The following PYGO1 variants were observed in gnomAD, a reference collection of about 807,000 sequenced individuals.
PYGO1 encodes the protein pygopus homolog 1.
In PYGO1, 6 loss-of-function variants were observed where a neutral mutation model predicts 29.5. The ratio of observed to expected loss-of-function variants is 0.20; its 90% CI spans 0.11 to 0.40. The LOEUF (loss-of-function observed/expected upper bound fraction) is 0.40. Ranked by LOEUF, PYGO1 falls within the 10% of genes least tolerant of loss-of-function variation. The pLI is 1.00. For missense variants in PYGO1, 515 were observed against 514.9 expected, an observed-to-expected ratio of 1.00 and a Z score of 0.00; for synonymous variants, 186 against 180.5, an observed-to-expected ratio of 1.03 and a Z score of -0.24.
intron 1 of PYGO1, among the ~76,000 whole-genome samples, chr15:55,557,800 T>C: frequency 6.6e-6 from 1 of 152,204 alleles, no homozygotes; most frequent in Non-Finnish European, 1.5e-5. Flanking sequence ...CAGCCCTTCA[T>C]GCTAAAAACT....
At position 55,539,951 on chromosome 15, in the gene PYGO1, T is replaced by C. The variant is rs2058822297; in HGVS notation, c.*6072A>G. 1 of 152,120 alleles carries C rather than the reference T, an allele frequency of 6.6e-6. No homozygotes were observed. The highest frequency in any genetic ancestry group is 1.5e-5 in the Non-Finnish European group (1 of 67,924). 9.4% of individuals were successfully genotyped at this position (152,120 alleles called of 1,614,324 possible). A position where few individuals can be genotyped will look rare whatever the true frequency, so the allele number is the denominator to read the frequency against. On this transcript the variant is annotated 3_prime_UTR_variant, in exon 3 of 3. Transcript: ENST00000563719. Reference sequence around the variant, plus strand: ...TTAAAAAGATATGCAGTTTAAGCACTCACAAGCCTTCATTTTTTTCTTTCA... The same window carrying C: ...TTAAAAAGATATGCAGTTTAAGCACCCACAAGCCTTCATTTTTTTCTTTCA...
At position 55,574,963 on chromosome 15, in the gene PYGO1, A is replaced by T. The variant is rs148519408; in HGVS notation, c.49+12872T>A. ...AGAGGATTACCATTTAATAACATTA[A>T]TTCAGTGAATGTTTACTGTGTCAGA... On this transcript the variant is annotated intron_variant, in intron 1 of 2. Transcript: ENST00000563719. 2.0e-5 allele frequency among the ~76,000 whole-genome samples: 3 copies of T among 152,316 alleles called. No homozygotes were observed. In the East Asian group the frequency reaches 5.8e-4, roughly 29 times the overall value.
At chr15:55,554,077 G>C (rs1243954291) in intron 1 of PYGO1, among the ~76,000 whole-genome samples, 4 of 152,128 alleles carry the variant, frequency 2.6e-5, no homozygotes, top group African/African-American at 7.2e-5. Flanking sequence ...AAAAAGATGA[G>C]AAAGAATCAA....
rs558802258 is a variant in PYGO1, at chr15:55,565,583, C to T, written c.50-16588G>A. On this transcript the variant is annotated intron_variant, in intron 1 of 2. Transcript: ENST00000563719. Reference sequence around the variant, plus strand: ...AAAAAAAAATTAGCCAGGCTGGTAGCGGGCACCTGTAGTCCCAGCTACTCA... The same window carrying T: ...AAAAAAAAATTAGCCAGGCTGGTAGTGGGCACCTGTAGTCCCAGCTACTCA... 5.9e-5 allele frequency among the ~76,000 whole-genome samples: 9 copies of T among 151,748 alleles called. No individual in the cohort carries two copies. The East Asian group carries it at 1.6e-3, about 26-fold the overall frequency.
intron 1 of PYGO1, among the ~76,000 whole-genome samples, chr15:55,584,271 C>T (rs1041321222): frequency 1.2e-4 from 19 of 152,194 alleles, no homozygotes; most frequent in African/African-American, 4.6e-4. Flanking sequence ...GCACATGCCA[C>T]CACGCCCAGC....
At chr15:55,588,957 A>T, upstream of PYGO1, 1 of 985,196 alleles carries the variant, frequency 1.0e-6, no homozygotes, top group Non-Finnish European at 1.6e-6. Flanking sequence ...TCTTCAAGAA[A>T]GAGCGACGTA....
At chr15:55,583,880 C>T (rs1307464007) in intron 1 of PYGO1, among the ~76,000 whole-genome samples, 1 of 152,138 alleles carries the variant, frequency 6.6e-6, no homozygotes, top group African/African-American at 2.4e-5. Context: ...CAAGAGACCT[C>T]CTAGACCCTT....
intron 1 of PYGO1, among the ~76,000 whole-genome samples, chr15:55,556,542 G>T (rs187316334): frequency 6.6e-6 from 1 of 152,208 alleles, no homozygotes; most frequent in East Asian, 1.9e-4. Flanking sequence ...ACATCAAAAA[G>T]CTCGAAAGAT....
At chr15:55,552,237 C>T (rs1258586982) in intron 1 of PYGO1, among the ~76,000 whole-genome samples, 1 of 151,692 alleles carries the variant, frequency 6.6e-6, no homozygotes, top group Admixed American at 6.6e-5. Context: ...CACCTGTAAT[C>T]CCAGCTACTT....
chr15:55,540,162 T>C lies in PYGO1; in HGVS notation c.*5861A>G, dbSNP rs1363807110. 6.6e-6 allele frequency: 1 copy of C among 152,118 alleles called. No homozygotes were observed. Among genetic ancestry groups the C allele is most frequent in the Non-Finnish European group, 1.5e-5 (1 of 67,950 alleles). The allele number at this position is 152,118 out of a possible 1,614,324, so 9.4% of individuals were successfully genotyped here. On this transcript the variant is annotated 3_prime_UTR_variant, in exon 3 of 3. Coordinates refer to ENST00000563719, the MANE Select transcript of PYGO1 (RefSeq NM_001367806.1). ...ACATTTTTCTTTAAAATCGTGATTA[T>C]AACCTTTATTACCAAATCCTTTCAT...
chr15:55,540,480 T>C lies in PYGO1; in HGVS notation c.*5543A>G, dbSNP rs926166189. 3.3e-5 allele frequency: 5 copies of C among 152,152 alleles called. No individual in the cohort carries two copies. The highest frequency in any genetic ancestry group is 4.2e-4 in the South Asian group (2 of 4,818). 9.4% of individuals were successfully genotyped at this position (152,152 alleles called of 1,614,324 possible). ...TATACCTGTAAGTGGAAAATAAAAA[T>C]TTTAAGATTTATTGTATTACAAGTG... On this transcript the variant is annotated 3_prime_UTR_variant, in exon 3 of 3. Transcript: ENST00000563719.
intron 1 of PYGO1, among the ~76,000 whole-genome samples, chr15:55,564,826 A>G (rs2058948175): frequency 6.6e-6 from 1 of 152,224 alleles, no homozygotes; most frequent in African/African-American, 2.4e-5. Context: ...CAGGATATCA[A>G]GGTATCAGTA....
At chr15:55,549,540 G>A (rs1418183168) in intron 1 of PYGO1, among the ~76,000 whole-genome samples, 2 of 152,122 alleles carry the variant, frequency 1.3e-5, no homozygotes, top group African/African-American at 2.4e-5. Flanking sequence ...CAATGTTTAA[G>A]TTGTTTCCAA....
At chr15:55,582,143 G>C (rs2059027543) in intron 1 of PYGO1, among the ~76,000 whole-genome samples, 1 of 149,054 alleles carries the variant, frequency 6.7e-6, no homozygotes, top group South Asian at 2.1e-4. Context: ...GGAGGCAGAG[G>C]TTGCAGTGAA....
At position 55,540,549 on chromosome 15, in the gene PYGO1, A is replaced by C. The variant is rs2058824625; in HGVS notation, c.*5474T>G. The C allele has an allele frequency of 6.6e-6, 1 of 152,164 alleles. No homozygotes were observed. Among genetic ancestry groups the C allele is most frequent in the Non-Finnish European group, 1.5e-5 (1 of 67,990 alleles). The allele number at this position is 152,164 out of a possible 1,614,324, so 9.4% of individuals were successfully genotyped here. On this transcript the variant is annotated 3_prime_UTR_variant, in exon 3 of 3. Transcript: ENST00000563719. ...AAAATTTACTCCTCTCCCATTTGAA[A>C]GACATCAGGCCATCTATTAATCCAT...
chr15:55,553,052 T>A (rs1433339292), intron 1 of PYGO1, among the ~76,000 whole-genome samples: 2 of 152,204 alleles, frequency 1.3e-5, no homozygotes, highest in African/African-American at 4.8e-5. Context: ...TGTTCTAGCC[T>A]GCTGGCACTG....
At chr15:55,548,732 A>T (rs2058864437) in intron 2 of PYGO1, among the ~76,000 whole-genome samples, 178 bp downstream of exon 2, 4 of 134,490 alleles carry the variant, frequency 3.0e-5, no homozygotes, top group Non-Finnish European at 4.8e-5. Flanking sequence ...AAAAAAAAAA[A>T]AAAAAAAAAA....
chr15:55,578,033 A>T (rs2059010535), intron 1 of PYGO1, among the ~76,000 whole-genome samples: 1 of 152,038 alleles, frequency 6.6e-6, no homozygotes, highest in Non-Finnish European at 1.5e-5. Context: ...CTTCAACCTT[A>T]ATCTACCTTC....
intron 1 of PYGO1, among the ~76,000 whole-genome samples, chr15:55,566,546 T>C (rs1352923962): frequency 6.6e-6 from 1 of 152,208 alleles, no homozygotes; most frequent in Non-Finnish European, 1.5e-5. Context: ...CATGTGATTA[T>C]GTGTCTTTTT....
Sources: allele counts gnomAD v4.1 joint callset (sites outside exome capture counted in the v4.1 genomes callset), GRCh38; gene constraint gnomAD v4.1.1; transcripts MANE v1.5; gene names NCBI Gene and HGNC (gene_info 2026-07-23, HGNC 2026-07-21).